The following ZNRF1 variants were observed in gnomAD, a reference collection of about 807,000 sequenced individuals.
ZNRF1 encodes E3 ubiquitin-protein ligase ZNRF1.
ZNRF1 carries 3 observed loss-of-function variants against 18.4 expected under a neutral mutation model. That is an observed-to-expected ratio of 0.16 (90% CI 0.07 to 0.42). The LOEUF (loss-of-function observed/expected upper bound fraction) is 0.42, where lower values mean the gene tolerates loss of function less well. ZNRF1 is among the 10% of genes least tolerant of loss of function. The pLI is 0.99. For missense variants in ZNRF1, 310 were observed against 329.8 expected (o/e 0.94, Z 0.47); for synonymous variants, 157 against 144.2 (o/e 1.09, Z -0.64).
At chr16:75,045,831 T>G (rs1179747955) in intron 1 of ZNRF1, among the ~76,000 whole-genome samples, 1 of 149,576 alleles carries the variant, frequency 6.7e-6, no homozygotes, top group Non-Finnish European at 1.5e-5. Flanking sequence ...TCCTCCCACC[T>G]CAGCCTCCCA....
intron 1 of ZNRF1, among the ~76,000 whole-genome samples, chr16:75,041,051 G>T (rs1410998510): frequency 6.6e-6 from 1 of 152,180 alleles, no homozygotes; most frequent in Non-Finnish European, 1.5e-5. Context: ...TAGACTTTTG[G>T]ATTGTTTCTA....
intron 1 of ZNRF1, among the ~76,000 whole-genome samples, chr16:75,086,142 C>T (rs886796917): frequency 2.6e-5 from 4 of 152,082 alleles, no homozygotes; most frequent in African/African-American, 7.2e-5. Flanking sequence ...GGAGGGCGGT[C>T]CGCTTCACTC....
Position 74,999,827 on chromosome 16 carries a change from C to T in ZNRF1, c.156C>T (p.Ser52=), listed in dbSNP as rs1465823072. 2 of 1,461,958 alleles carry T rather than the reference C, an allele frequency of 1.4e-6. No individual in the cohort carries two copies. Among genetic ancestry groups the T allele is most frequent in the East Asian group, 2.5e-5 (1 of 39,854 alleles). 90.6% of individuals were successfully genotyped at this position (1,461,958 alleles called of 1,614,324 possible). Residue 52 remains serine (S), a synonymous_variant, in exon 1 of 5, where the codon AGC becomes AGT. Coordinates refer to ENST00000335325, the MANE Select transcript of ZNRF1 (RefSeq NM_032268.5). ...TGGGGCTGCGCAGCCGCTCGGTCAGCTCGGTGGCAGGCATGGGCATGGACC... is the reference window on the plus strand; with the variant it reads ...TGGGGCTGCGCAGCCGCTCGGTCAGTTCGGTGGCAGGCATGGGCATGGACC... ...GAMGLRSRSV[S]SVAGMGMDPS...
Position 75,101,431 on chromosome 16 carries a change from G to A in ZNRF1, c.521-3353G>A, listed in dbSNP as rs146613058. ...TAGCCGGGTGTGGTGGCATGCACCT[G>A]TAGTCCCAGCTACTTAGTAGGCTGA... is the stretch of plus-strand genomic sequence containing the variant. On this transcript the variant is annotated intron_variant, in intron 2 of 4. Transcript: ENST00000335325. Among the ~76,000 whole-genome samples the A allele has an allele frequency of 4.5e-3, 692 of 152,228 alleles. 1 individual carries two copies. The highest frequency in any genetic ancestry group is 6.7e-3 in the Non-Finnish European group (458 of 68,000).
chr16:75,035,925 C>G (rs2035370861), intron 1 of ZNRF1, among the ~76,000 whole-genome samples: 1 of 152,198 alleles, frequency 6.6e-6, no homozygotes, highest in South Asian at 2.1e-4. Flanking sequence ...TCACCCAACT[C>G]CTAAGAGCTT....
rs1445471412 is a variant in ZNRF1, at chr16:75,059,225, CTTTCTT to C, written c.425-34343_425-34338del. Among the ~76,000 whole-genome samples, 21 of 97,292 alleles carry C rather than the reference CTTTCTT, an allele frequency of 2.2e-4. No homozygotes were observed. In the East Asian group the frequency reaches 5.1e-3, roughly 24 times the overall value. The allele number at this position is 97,292 out of a possible 152,430, so 63.8% of individuals were successfully genotyped here. A position where few individuals can be genotyped will look rare whatever the true frequency, so the allele number is the denominator to read the frequency against. On this transcript the variant is annotated intron_variant, in intron 1 of 4. Transcript: ENST00000335325. ...CCTTTCCTTCCTTCTTTCCTTCTTT[CTTTCTT>C]TTTTTTTTTTTTTCTTTTTTTTTTT...
intron 1 of ZNRF1, among the ~76,000 whole-genome samples, chr16:75,077,258 C>T (rs560436702): frequency 2.6e-5 from 4 of 152,196 alleles, no homozygotes; most frequent in East Asian, 3.8e-4. Context: ...TGGGGCTGGG[C>T]GCGGTGGCTC....
At chr16:75,096,792 T>C (rs1330613221) in intron 2 of ZNRF1, among the ~76,000 whole-genome samples, 2 of 152,142 alleles carry the variant, frequency 1.3e-5, no homozygotes, top group Non-Finnish European at 2.9e-5. Flanking sequence ...ATTTTTCTTA[T>C]TATGAGGGTT....
In ZNRF1 at chr16:75,048,098, A is replaced by G. The variant is rs1334437377; in HGVS notation, c.425-45474A>G. ...TTCCCAAGTAGCTGGAACTACAGGC[A>G]CGCCGCCACGTCTGGCTGATTTTTG... On this transcript the variant is annotated intron_variant, in intron 1 of 4. Transcript: ENST00000335325. Among the ~76,000 whole-genome samples the G allele has an allele frequency of 4.6e-5, 7 of 152,150 alleles. No individual in the cohort carries two copies. The East Asian group carries it at 1.4e-3, about 29-fold the overall frequency.
intron 1 of ZNRF1, among the ~76,000 whole-genome samples, chr16:75,076,275 T>G (rs1189409806): frequency 6.6e-6 from 1 of 152,206 alleles, no homozygotes; most frequent in Non-Finnish European, 1.5e-5. Flanking sequence ...CAAACACTTT[T>G]GACATCTAAC....
At position 75,109,290 on chromosome 16, in the gene ZNRF1, C is replaced by G. The variant is rs1048677893; in HGVS notation, c.*1590C>G. ...GCAGCAGTGCAGGCCTGGCCTGTGTCCCCGTGCCCAGCGGGCTCCCGGAGC... is the reference window on the plus strand; with the variant it reads ...GCAGCAGTGCAGGCCTGGCCTGTGTGCCCGTGCCCAGCGGGCTCCCGGAGC... On this transcript the variant is annotated 3_prime_UTR_variant, in exon 5 of 5. Transcript: ENST00000335325. The G allele has an allele frequency of 6.6e-6, 1 of 152,462 alleles. No individual in the cohort carries two copies. Among genetic ancestry groups the G allele is most frequent in the African/African-American group, 2.4e-5 (1 of 41,474 alleles). 9.4% of individuals were successfully genotyped at this position (152,462 alleles called of 1,614,324 possible).
At chr16:75,100,057 G>C (rs1371721678) in intron 2 of ZNRF1, among the ~76,000 whole-genome samples, 1 of 152,156 alleles carries the variant, frequency 6.6e-6, no homozygotes, top group African/African-American at 2.4e-5. Flanking sequence ...GGCACTGCTG[G>C]CTTCCCCATG....
intron 1 of ZNRF1, among the ~76,000 whole-genome samples, chr16:75,037,018 C>T (rs971286203): frequency 2.0e-4 from 31 of 152,150 alleles, no homozygotes; most frequent in African/African-American, 7.2e-4. Context: ...GTACTTTACA[C>T]ATGCTCTTAT....
At chr16:75,083,740 G>A (rs1338116118) in intron 1 of ZNRF1, among the ~76,000 whole-genome samples, 1 of 152,104 alleles carries the variant, frequency 6.6e-6, no homozygotes, top group Non-Finnish European at 1.5e-5. Flanking sequence ...CATGGGGGAG[G>A]CAGTTGAGGC....
rs1204136831 is a variant in ZNRF1, at chr16:75,028,350, A to G, written c.424+28255A>G. The stretch of plus-strand genomic sequence containing the variant: ...CACTCGACGCCCAGGCTAGAGTGCA[A>G]TGGCGTGATGTCGGCTCACTGCAAC... On this transcript the variant is annotated intron_variant, in intron 1 of 4. Transcript: ENST00000335325. Among the ~76,000 whole-genome samples the G allele has an allele frequency of 4.6e-5, 7 of 152,164 alleles. No homozygotes were observed. In the South Asian group the frequency reaches 6.2e-4, roughly 13 times the overall value.
At chr16:75,056,784 G>A (rs967662492) in intron 1 of ZNRF1, among the ~76,000 whole-genome samples, 1 of 152,058 alleles carries the variant, frequency 6.6e-6, no homozygotes, top group Non-Finnish European at 1.5e-5. Flanking sequence ...GTGCCACCAT[G>A]CTTGGCTAAT....
At position 75,090,998 on chromosome 16, in the gene ZNRF1, A is replaced by G. The variant is rs141820250; in HGVS notation, c.425-2574A>G. On this transcript the variant is annotated intron_variant, in intron 1 of 4. Coordinates refer to ENST00000335325, the MANE Select transcript of ZNRF1 (RefSeq NM_032268.5). ...ACTCCTGAGCTCAAGTGATTTCCCC[A>G]CCTTGGCCTCCTAAAGTGCTGGGAT... is the stretch of plus-strand genomic sequence containing the variant. 7.3e-3 allele frequency among the ~76,000 whole-genome samples: 1,113 copies of G among 152,108 alleles called. 12 individuals are homozygous for G. The highest frequency in any genetic ancestry group is 0.026 in the African/African-American group (1,080 of 41,482).
chr16:75,089,340 C>G (rs2036109652), intron 1 of ZNRF1, among the ~76,000 whole-genome samples: 1 of 152,120 alleles, frequency 6.6e-6, no homozygotes, highest in Non-Finnish European at 1.5e-5. Context: ...AACTCCTGGG[C>G]TAAAGTGATC....
rs2036375514 is a variant in ZNRF1, at chr16:75,110,977, T to G, written c.*3277T>G. 1 of 152,078 alleles carries G rather than the reference T, an allele frequency of 6.6e-6. No individual in the cohort carries two copies. Among genetic ancestry groups the G allele is most frequent in the Non-Finnish European group, 1.5e-5 (1 of 68,076 alleles). The allele number at this position is 152,078 out of a possible 1,614,324, so 9.4% of individuals were successfully genotyped here. On this transcript the variant is annotated 3_prime_UTR_variant, in exon 5 of 5. Transcript: ENST00000335325. ...ACCAGGGCAGCACGGGACAGAAACGTCACGGAGGAGTAGCCTCCAGGCTCA... is the reference window on the plus strand; with the variant it reads ...ACCAGGGCAGCACGGGACAGAAACGGCACGGAGGAGTAGCCTCCAGGCTCA...
Sources: gnomAD v4.1 joint callset for allele counts (sites outside exome capture counted in the v4.1 genomes callset) on GRCh38, gnomAD v4.1.1 for gene constraint, MANE v1.5 for transcripts, NCBI Gene and HGNC (gene_info 2026-07-23, HGNC 2026-07-21) for gene names.